Variants in TOP1MT observed in about 807,000 individuals in gnomAD.
TOP1MT encodes DNA topoisomerase I, mitochondrial.
Under a neutral mutation model 73.9 loss-of-function variants are expected in TOP1MT, and 80 were observed. The observed-to-expected ratio is 1.08, with a 90% CI of 0.90 to 1.30. The LOEUF (loss-of-function observed/expected upper bound fraction) is 1.30. Among genes scored for constraint, TOP1MT ranks in the 50% most tolerant of loss-of-function variants. TOP1MT has a pLI of 0.00. For synonymous variants in TOP1MT, 338 were observed against 326.4 expected (o/e 1.04, Z -0.38); for missense variants, 815 against 808.0 (o/e 1.01, Z -0.10).
rs553666275 is a variant in TOP1MT at position 143,341,572 on chromosome 8, G to A, written c.29+1648C>T. 7.2e-4 allele frequency among the ~76,000 whole-genome samples: 109 copies of A among 152,380 alleles called. No individual in the cohort carries two copies. Among genetic ancestry groups the A allele is most frequent in the African/African-American group, 2.6e-3 (107 of 41,592 alleles). On this transcript the variant is annotated intron_variant, in intron 2 of 5. Transcript: ENST00000518007. This position sits in a 1 kb window ranked among gnomAD's most constrained non-coding sequence, Gnocchi z 4.1. ...ATGGCTGCCCTCCATGGGCCTAACA[G>A]ATGCTTTTAACTCAGCTTTGGAAAA...
At chr8:143,346,812 C>T (rs894443745), upstream of TOP1MT, among the ~76,000 whole-genome samples, 8 of 152,156 alleles carry the variant, frequency 5.3e-5, no homozygotes, top group South Asian at 4.2e-4. Context: ...GATGAACTAG[C>T]GCACAGGTCA....
Position 143,329,354 on chromosome 8 carries a change from C to T in TOP1MT, c.356G>A (p.Arg119Gln), listed in dbSNP as rs766459125. Residue 119 changes from arginine (R) to glutamine (Q), a missense_variant, in exon 3 of 14, where the codon CGA becomes CAA. Arg to Gln is a conservative substitution (Grantham distance 43, BLOSUM62 1). This residue lies in a region of TOP1MT where 751 missense variants were observed against 725.4 expected (regional missense o/e 1.04). Coordinates refer to ENST00000329245, the MANE Select transcript of TOP1MT (RefSeq NM_052963.3). ...VFRKNFFNDW[R>Q]KEMAVEEREV... ...GCGGCCGCCCAGGGTACCTACCTTTCGCCAGTCATTGAAGAAGTTCTTCCG... is the reference window on the plus strand; with the variant it reads ...GCGGCCGCCCAGGGTACCTACCTTTTGCCAGTCATTGAAGAAGTTCTTCCG... 55 of 1,606,816 alleles carry T rather than the reference C, an allele frequency of 3.4e-5. No homozygotes were observed. The highest frequency in any genetic ancestry group is 6.9e-5 in the Admixed American group (4 of 57,976).
chr8:143,325,582 C>A (rs1479627371), intron 4 of TOP1MT, 49 bp from the exon 5 acceptor site: 1 of 1,556,718 alleles, frequency 6.4e-7, no homozygotes, highest in African/African-American at 1.4e-5. Context: ...GAGAAGAGAA[C>A]AGGCCTCAGT....
upstream of TOP1MT, among the ~76,000 whole-genome samples, chr8:143,346,366 C>T (rs1271075280): frequency 6.6e-6 from 1 of 152,232 alleles, no homozygotes; most frequent in African/African-American, 2.4e-5. Context: ...TATTGAGACA[C>T]CCAGAAACTT....
At chr8:143,310,262 G>A (rs369759123) in intron 12 of TOP1MT, 45 bp from the exon 13 acceptor site, 163 of 1,416,040 alleles carry the variant, frequency 1.2e-4, no homozygotes, top group South Asian at 3.7e-4. Context: ...CTGGACTAGC[G>A]CCACCTGAGG....
At chr8:143,350,210 A>C (rs943261388) in intron 1 of TOP1MT, 4 of 152,286 alleles carry the variant, frequency 2.6e-5, no homozygotes, top group Non-Finnish European at 5.9e-5. Flanking sequence ...AAGTGGAACA[A>C]TACAGAGAAG....
intron 12 of TOP1MT, among the ~76,000 whole-genome samples, chr8:143,313,276 C>G (rs147232296): frequency 6.6e-6 from 1 of 152,148 alleles, no homozygotes; most frequent in Admixed American, 6.5e-5. Flanking sequence ...TGTGGCCGGG[C>G]GCAGTTGCTC....
chr8:143,359,242 A>AG (rs2130496455), upstream of TOP1MT: 1 of 985,094 alleles, frequency 1.0e-6, no homozygotes, highest in African/African-American at 1.7e-5. Context: ...CCAGACCAAA[A>AG]GAAAAAAAAA....
Position 143,324,502 on chromosome 8 carries a change from G to T in TOP1MT, c.799C>A (p.Pro267Thr), listed in dbSNP as rs924949151. The T allele has an allele frequency of 2.5e-6, 4 of 1,613,952 alleles. No individual in the cohort carries two copies. Among genetic ancestry groups the T allele is most frequent in the Admixed American group, 1.7e-5 (1 of 60,022 alleles). Residue 267 changes from proline to threonine, a missense_variant, in exon 6 of 14, where the codon CCT (proline) becomes ACT (threonine). Pro to Thr is a conservative substitution (Grantham distance 38, BLOSUM62 -1). Coordinates refer to ENST00000329245, the MANE Select transcript of TOP1MT (RefSeq NM_052963.3). ...QNSIKYIMLN[P>T]CSKLKGETAW... The stretch of plus-strand genomic sequence containing the variant: ...GCGCTCACCTTCAGCTTCGAGCAAG[G>T]GTTCAGCATGATGTACTTGATGGAG...
chr8:143,314,425 G>A (rs748979715), intron 12 of TOP1MT, among the ~76,000 whole-genome samples: 42 of 152,010 alleles, frequency 2.8e-4, no homozygotes, highest in Non-Finnish European at 4.6e-4. Flanking sequence ...GAGAAACCCC[G>A]TTTCTACTAA....
chr8:143,327,919 C>T, intron 3 of TOP1MT: 3 of 330,912 alleles, frequency 9.1e-6, no homozygotes, highest in South Asian at 7.1e-5. Context: ...TCCACCTAAA[C>T]CAAGCTGACC....
chr8:143,333,829 T>C (rs1283522616), intron 1 of TOP1MT: 1 of 152,388 alleles, frequency 6.6e-6, no homozygotes, highest in Non-Finnish European at 1.5e-5. Context: ...TGTGCCTCAA[T>C]GCAGGGCCCA....
intron 8 of TOP1MT, among the ~76,000 whole-genome samples, chr8:143,320,170 C>G (rs1317648861): frequency 6.6e-6 from 1 of 151,992 alleles, no homozygotes; most frequent in Non-Finnish European, 1.5e-5. Context: ...ATTTTGTCAC[C>G]CAGGCAGGAG....
chr8:143,321,871 A>ACGC (rs1816411229), intron 7 of TOP1MT, among the ~76,000 whole-genome samples: 3 of 62,326 alleles, frequency 4.8e-5, no homozygotes, highest in Non-Finnish European at 9.7e-5. Context: ...TGCCACACGC[A>ACGC]CACCACACGC....
chr8:143,321,144 G>A (rs1816328852), intron 8 of TOP1MT, 57 bp downstream of exon 8: 13 of 1,488,088 alleles, frequency 8.7e-6, no homozygotes, highest in Admixed American at 8.3e-5. Flanking sequence ...CACGCCCCCA[G>A]ACATCCAGAG....
At chr8:143,342,776 C>CTATTATTATTATTATTATTATTAT (rs748359888) in intron 2 of TOP1MT, among the ~76,000 whole-genome samples, 8 of 78,776 alleles carry the variant, frequency 1.0e-4, no homozygotes, top group Non-Finnish European at 1.5e-4. Flanking sequence ...GAGTCTTGCT[C>CTATTATTATTATTATTATTATTAT]TATTATTATT....
At chr8:143,338,531 C>T (rs1208377524), upstream of TOP1MT, among the ~76,000 whole-genome samples, 1 of 151,344 alleles carries the variant, frequency 6.6e-6, no homozygotes, top group African/African-American at 2.4e-5. Context: ...CGCACCATTG[C>T]ACTCCAGCCT....
chr8:143,332,621 G>A lies in TOP1MT; in HGVS notation c.123-1282C>T, dbSNP rs140231677. The A allele has an allele frequency of 2.4e-6, 3 of 1,248,712 alleles. No homozygotes were observed. In the African/African-American group the frequency reaches 4.6e-5, roughly 19 times the overall value. The allele number at this position is 1,248,712 out of a possible 1,614,324, so 77.4% of individuals were successfully genotyped here. ...AAGGGTCTGAGAGGGGAAAGCATGT[G>A]CAACAGACATTTCTGAAAGGGCCTT... On this transcript the variant is annotated intron_variant, in intron 1 of 13. Transcript: ENST00000329245.
chr8:143,324,987 T>C (rs1020857942), intron 5 of TOP1MT, among the ~76,000 whole-genome samples: 2 of 152,142 alleles, frequency 1.3e-5, no homozygotes, highest in Non-Finnish European at 2.9e-5. Flanking sequence ...GGTCACACAG[T>C]ACAACATGTG....
Sources: allele counts gnomAD v4.1 joint callset (sites outside exome capture counted in the v4.1 genomes callset), GRCh38; gene constraint gnomAD v4.1.1; regional missense constraint gnomAD v4.1.1; non-coding constraint Gnocchi (gnomAD v3.1); transcripts MANE v1.5; gene names NCBI Gene and HGNC (gene_info 2026-07-23, HGNC 2026-07-21).